GIMAP8: variants seen among roughly 807,000 people sequenced by gnomAD.
GIMAP8 encodes GTPase IMAP family member 8.
A neutral mutation model predicts 35.6 loss-of-function variants in GIMAP8; 29 were observed. That is an observed-to-expected ratio of 0.81 (90% CI 0.61 to 1.11). The LOEUF is 1.11. GIMAP8 is among the 50% of genes most tolerant of loss of function. The pLI, the probability that GIMAP8 is intolerant of heterozygous loss-of-function variation, is 0.00. For missense variants in GIMAP8, 811 were observed against 805.0 expected (o/e 1.01, Z -0.09); for synonymous variants, 335 against 308.7 (o/e 1.09, Z -0.89).
intron 1 of GIMAP8, among the ~76,000 whole-genome samples, chr7:150,457,953 C>T (rs1801766018): frequency 6.6e-6 from 1 of 152,190 alleles, no homozygotes; most frequent in African/African-American, 2.4e-5. Context: ...CCTTCCCCAA[C>T]AGGCCCTGGC....
In GIMAP8 at chr7:150,451,436, C is replaced by T. The variant is rs1801605176; in HGVS notation, c.-29+261C>T. ...GGCAGGGGCCCTGGGAAGCTTTCCTCCTGGTCCAAAGCGTGTCTCCCCAGC... is the reference window on the plus strand; with the variant it reads ...GGCAGGGGCCCTGGGAAGCTTTCCTTCTGGTCCAAAGCGTGTCTCCCCAGC... On this transcript the variant is annotated intron_variant, in intron 1 of 4. Coordinates refer to ENST00000307271, the MANE Select transcript of GIMAP8 (RefSeq NM_175571.4). The surrounding 1 kb of genome is among the most constrained non-coding windows in gnomAD (Gnocchi z 4.1). 1.3e-5 allele frequency among the ~76,000 whole-genome samples: 2 copies of T among 152,094 alleles called. No homozygotes were observed. Among genetic ancestry groups the T allele is most frequent in the African/African-American group, 4.8e-5 (2 of 41,390 alleles).
chr7:150,471,229 G>A (rs1329725456), intron 3 of GIMAP8, among the ~76,000 whole-genome samples: 1 of 152,194 alleles, frequency 6.6e-6, no homozygotes, highest in East Asian at 1.9e-4. Flanking sequence ...CTCCTTCATG[G>A]ACAACACCAA....
rs1346395099 is a variant in GIMAP8, at chr7:150,451,026, G to C, written c.-178G>C. 1 of 152,290 alleles carries C rather than the reference G, an allele frequency of 6.6e-6. No individual in the cohort carries two copies. Among genetic ancestry groups the C allele is most frequent in the African/African-American group, 2.4e-5 (1 of 41,448 alleles). 9.4% of individuals were successfully genotyped at this position (152,290 alleles called of 1,614,324 possible). A position where few individuals can be genotyped will look rare whatever the true frequency, so the allele number is the denominator to read the frequency against. Reference sequence around the variant, plus strand: ...TCTGTGGATGTGAAGGCTATTTCTAGAAATCTCTTCCTTTGCAGAAACACC... The same window carrying C: ...TCTGTGGATGTGAAGGCTATTTCTACAAATCTCTTCCTTTGCAGAAACACC... On this transcript the variant is annotated 5_prime_UTR_variant, in exon 1 of 5. Coordinates refer to ENST00000307271, the MANE Select transcript of GIMAP8 (RefSeq NM_175571.4). The surrounding 1 kb of genome is among the most constrained non-coding windows in gnomAD (Gnocchi z 4.1).
rs193054328 is a variant in GIMAP8 at position 150,456,949 on chromosome 7, T to C, written c.-29+5774T>C. 3.1e-3 allele frequency among the ~76,000 whole-genome samples: 476 copies of C among 152,290 alleles called. 5 individuals are homozygous for C. The highest frequency in any genetic ancestry group is 5.2e-3 in the Non-Finnish European group (351 of 68,022). On this transcript the variant is annotated intron_variant, in intron 1 of 4. Transcript: ENST00000307271. ...AATTTTTAAATTAAAAAATGCACAG[T>C]GTGCTGAGACCAGCTCAGTCGTGGA...
chr7:150,453,557 A>T (rs1801665931), intron 1 of GIMAP8, among the ~76,000 whole-genome samples: 1 of 152,236 alleles, frequency 6.6e-6, no homozygotes, highest in African/African-American at 2.4e-5. Context: ...CTGCACAGAA[A>T]AAGGGCTTTC....
chr7:150,474,533 C>A lies in GIMAP8; in HGVS notation c.1204C>A (p.Arg402=), dbSNP rs376859130. The A allele has an allele frequency of 2.5e-6, 4 of 1,577,574 alleles. No individual in the cohort carries two copies. Among genetic ancestry groups the A allele is most frequent in the Non-Finnish European group, 3.5e-6 (4 of 1,147,548 alleles). ...CKNRYSAFNY[R]ATGEEEQRQA... ...AAACAGATATAGTGCCTTCAACTAC[C>A]GGGCAACAGGAGAAGAAGAGCAAAG... is the stretch of plus-strand genomic sequence containing the variant. The change falls in exon 4 of 5, where the codon CGG becomes AGG. Residue 402 remains arginine, a synonymous_variant. Transcript: ENST00000307271.
chr7:150,474,675 T>G, intron 4 of GIMAP8, 37 bp downstream of exon 4: 2 of 1,314,698 alleles, frequency 1.5e-6, no homozygotes, highest in Non-Finnish European at 1.0e-6. Flanking sequence ...TTTACATATA[T>G]CATTTAAAAA....
At chr7:150,476,511 T>C (rs1302216546) in intron 4 of GIMAP8, among the ~76,000 whole-genome samples, 3 of 152,246 alleles carry the variant, frequency 2.0e-5, no homozygotes, top group Non-Finnish European at 4.4e-5. Context: ...TTAAGTTCAA[T>C]GTGGTTTTAA....
rs1802119418 is a variant in GIMAP8, at chr7:150,472,716, C to A, written c.683-1296C>A. Among the ~76,000 whole-genome samples, 1 of 152,078 alleles carries A rather than the reference C, an allele frequency of 6.6e-6. No individual in the cohort carries two copies. The highest frequency in any genetic ancestry group is 6.6e-5 in the Admixed American group (1 of 15,260). ...CTGATTTGTATAGTTTTGCGGTGAG[C>A]AATTTAGGTGAAGTTCTCTTGAAGA... is the stretch of plus-strand genomic sequence containing the variant. On this transcript the variant is annotated intron_variant, in intron 3 of 4. Transcript: ENST00000307271. This position sits in a 1 kb window ranked among gnomAD's most constrained non-coding sequence, Gnocchi z 4.1.
rs756698192 is a variant in GIMAP8 at position 150,466,903 on chromosome 7, C to G, written c.205C>G (p.Leu69Val). 14 of 1,614,108 alleles carry G rather than the reference C, an allele frequency of 8.7e-6. No individual in the cohort carries two copies. The highest frequency in any genetic ancestry group is 1.1e-5 in the South Asian group (1 of 91,086). The change falls in exon 2 of 5, where the codon CTT becomes GTT. Residue 69 changes from leucine to valine, a missense_variant. By Grantham distance (32) the Leu-to-Val change is conservative. Coordinates refer to ENST00000307271, the MANE Select transcript of GIMAP8 (RefSeq NM_175571.4). Reference protein sequence around the residue: ...RKVVVIDTPDLFSSIACAEDK... With the variant: ...RKVVVIDTPDVFSSIACAEDK... ...GGTTGTGGTAATTGACACCCCTGAC[C>G]TTTTCTCCTCAATAGCTTGTGCTGA... is the stretch of plus-strand genomic sequence containing the variant.
chr7:150,470,783 TGA>T, intron 2 of GIMAP8, 44 bp from the exon 3 acceptor site: 2 of 756,148 alleles, frequency 2.6e-6, no homozygotes, highest in Non-Finnish European at 2.1e-6. Context: ...TTGTGGAAGA[TGA>T]GGTTTTAGAT....
intron 4 of GIMAP8, among the ~76,000 whole-genome samples, chr7:150,476,803 C>T (rs962249315): frequency 6.6e-6 from 1 of 152,006 alleles, no homozygotes; most frequent in Non-Finnish European, 1.5e-5. Flanking sequence ...GAAGGTGCTG[C>T]AAAAAGGGAG....
intron 1 of GIMAP8, among the ~76,000 whole-genome samples, chr7:150,462,154 G>A (rs1416561195): frequency 6.6e-6 from 1 of 152,188 alleles, no homozygotes; most frequent in Non-Finnish European, 1.5e-5. Context: ...AGATAACAAA[G>A]TACATTGATT....
At chr7:150,452,015 G>A (rs2116579268) in intron 1 of GIMAP8, among the ~76,000 whole-genome samples, 2 of 152,292 alleles carry the variant, frequency 1.3e-5, no homozygotes, top group East Asian at 3.9e-4. Flanking sequence ...CGCATGGCTG[G>A]ATGCTGTGCT....
intron 1 of GIMAP8, among the ~76,000 whole-genome samples, chr7:150,456,026 G>A (rs1232468970): frequency 1.3e-5 from 2 of 152,124 alleles, no homozygotes; most frequent in African/African-American, 4.8e-5. Context: ...TGCAAGAAGT[G>A]GGAGGAGATG....
rs148056057 is a variant in GIMAP8 at position 150,451,375 on chromosome 7, TGGGTTGAATGGCA to T, written c.-29+215_-29+227del. 0.14 allele frequency among the ~76,000 whole-genome samples: 20,833 copies of T among 151,968 alleles called. 1,744 individuals are homozygous for T. The highest frequency in any genetic ancestry group is 0.28 in the East Asian group (1,441 of 5,148). On this transcript the variant is annotated intron_variant, in intron 1 of 4. Transcript: ENST00000307271. This position sits in a 1 kb window ranked among gnomAD's most constrained non-coding sequence, Gnocchi z 4.1. ...CCTGCTCAGCCATGGGAGAGGAGGC[TGGGTTGAATGGCA>T]GGGTTGAATGGCAGAGTTGAATGGC...
At chr7:150,458,421 C>G (rs1294675707) in intron 1 of GIMAP8, among the ~76,000 whole-genome samples, 1 of 152,156 alleles carries the variant, frequency 6.6e-6, no homozygotes, top group East Asian at 1.9e-4. Context: ...AGGCCCACCC[C>G]CACAAGTGAG....
chr7:150,454,111 T>C (rs887981166), intron 1 of GIMAP8, among the ~76,000 whole-genome samples: 3 of 152,104 alleles, frequency 2.0e-5, no homozygotes, highest in African/African-American at 7.2e-5. Context: ...GCAAGCATGT[T>C]TGAAGTACAG....
In GIMAP8 at chr7:150,477,786, C is replaced by A; in HGVS notation, c.*6C>A. The A allele has an allele frequency of 6.2e-7, 1 of 1,606,996 alleles. No individual in the cohort carries two copies. The highest frequency in any genetic ancestry group is 1.3e-5 in the African/African-American group (1 of 74,486). ...TAATAGGTATTTTACAATAGGTAGCCGAAGTGCCTGGGGTCTCTTCAATTA... is the reference window on the plus strand; with the variant it reads ...TAATAGGTATTTTACAATAGGTAGCAGAAGTGCCTGGGGTCTCTTCAATTA... On this transcript the variant is annotated 3_prime_UTR_variant, in exon 5 of 5. Transcript: ENST00000307271.
Sources: allele counts gnomAD v4.1 joint callset (sites outside exome capture counted in the v4.1 genomes callset), GRCh38; gene constraint gnomAD v4.1.1; non-coding constraint Gnocchi (gnomAD v3.1); transcripts MANE v1.5; gene names NCBI Gene and HGNC (gene_info 2026-07-23, HGNC 2026-07-21).